UNC13B: variants seen among roughly 807,000 people sequenced by gnomAD.
The protein encoded by UNC13B is protein unc-13 homolog B.
Under a neutral mutation model 211.0 loss-of-function variants are expected in UNC13B, and 144 were observed. The observed-to-expected ratio is 0.68, with a 90% CI of 0.60 to 0.78. UNC13B has a LOEUF of 0.78. UNC13B is among the 30% of genes least tolerant of loss of function. UNC13B has a pLI of 0.00. For synonymous variants in UNC13B, 709 were observed against 725.8 expected, an observed-to-expected ratio of 0.98 and a Z score of 0.37; for missense variants, 1,777 against 2,002.0, an observed-to-expected ratio of 0.89 and a Z score of 2.14.
At chr9:35,241,596 CCACCAT>C (rs772519424) in intron 5 of UNC13B, among the ~76,000 whole-genome samples, 16,982 of 136,122 alleles carry the variant, frequency 0.12, 1,142 homozygotes, top group Admixed American at 0.24. Context: ...CACACACACA[CCACCAT>C]CTTCTTTTTA....
chr9:35,257,661 G>A (rs1001800817), intron 6 of UNC13B, among the ~76,000 whole-genome samples: 2 of 133,112 alleles, frequency 1.5e-5, no homozygotes, highest in Non-Finnish European at 3.1e-5. Flanking sequence ...CTATCATATT[G>A]TTTACATTGT....
chr9:35,261,735 G>A (rs1827286054), intron 7 of UNC13B, among the ~76,000 whole-genome samples: 1 of 151,130 alleles, frequency 6.6e-6, no homozygotes, highest in Non-Finnish European at 1.5e-5. Context: ...AACTATTTTT[G>A]TACGCATTAA....
chr9:35,307,754 G>A lies in UNC13B; in HGVS notation c.8350G>A (p.Gly2784Arg), dbSNP rs1220284749. 1 of 398,862 alleles carries A rather than the reference G, an allele frequency of 2.5e-6. No individual in the cohort carries two copies. Among genetic ancestry groups the A allele is most frequent in the African/African-American group, 2.1e-5 (1 of 48,600 alleles). The allele number at this position is 398,862 out of a possible 1,614,324, so 24.7% of individuals were successfully genotyped here. The stretch of plus-strand genomic sequence containing the variant: ...TTTGCCATCCTCTGCTACTAACCAT[G>A]GGAAACCACTGAGCTCTTTCTTTTC... ...LRLPSSATNHGKPLSSFFSSP... is the reference protein window; with the variant it reads ...LRLPSSATNHRKPLSSFFSSP... The change falls in exon 9 of 40, where the codon GGG becomes AGG. Residue 2784 changes from glycine (G) to arginine (R), a missense_variant. Transcript: ENST00000635942.
chr9:35,376,287 C>G lies in UNC13B; in HGVS notation c.9835+40C>G, dbSNP rs147374504. The G allele has an allele frequency of 4.7e-4, 749 of 1,595,240 alleles. 6 individuals carry two copies. The East Asian group carries it at 0.014, about 31-fold the overall frequency. The stretch of plus-strand genomic sequence containing the variant: ...GGATGAGGGGCGGGGAGTGGGGCAG[C>G]AGGGGCTTTCCAAAATAGTCTGCAG... On this transcript the variant is annotated intron_variant, in intron 15 of 39. Coordinates refer to ENST00000635942, the MANE Select transcript of UNC13B (RefSeq NM_001371189.2).
intron 11 of UNC13B, among the ~76,000 whole-genome samples, chr9:35,320,064 A>T (rs1361290429): frequency 6.6e-6 from 1 of 152,176 alleles, no homozygotes; most frequent in East Asian, 1.9e-4. Context: ...GTTGCAAAGG[A>T]CATTTCACTG....
At position 35,304,917 on chromosome 9, in the gene UNC13B, G is replaced by T. The variant is rs1215192016; in HGVS notation, c.5513G>T (p.Arg1838Met). ...CATCCAGAATTGATCAAAAATATAAGGCAAGAATTCTCTTTAAATAAAAAC... is the reference window on the plus strand; with the variant it reads ...CATCCAGAATTGATCAAAAATATAATGCAAGAATTCTCTTTAAATAAAAAC... ...VQHPELIKNI[R>M]QEFSLNKNNH... Residue 1838 changes from arginine to methionine, a missense_variant, in exon 9 of 40, where the codon AGG becomes ATG. Physicochemically the swap from Arg to Met is moderately conservative, Grantham distance 91 (BLOSUM62 -1). Coordinates refer to ENST00000635942, the MANE Select transcript of UNC13B (RefSeq NM_001371189.2). 1 of 398,728 alleles carries T rather than the reference G, an allele frequency of 2.5e-6. No homozygotes were observed. Among genetic ancestry groups the T allele is most frequent in the African/African-American group, 2.1e-5 (1 of 48,596 alleles). 24.7% of individuals were successfully genotyped at this position (398,728 alleles called of 1,614,324 possible).
intron 1 of UNC13B, among the ~76,000 whole-genome samples, chr9:35,223,808 T>C (rs757431196): frequency 6.6e-6 from 1 of 152,214 alleles, no homozygotes; most frequent in Non-Finnish European, 1.5e-5. Flanking sequence ...TATATTTAAC[T>C]CTTGAATTCA....
intron 6 of UNC13B, among the ~76,000 whole-genome samples, chr9:35,248,056 T>G (rs771260440): frequency 2.6e-5 from 4 of 152,232 alleles, no homozygotes; most frequent in African/African-American, 4.8e-5. Context: ...TATTCAGAGA[T>G]TCAACTTCTT....
intron 7 of UNC13B, among the ~76,000 whole-genome samples, chr9:35,289,922 G>A (rs1045869516): frequency 3.3e-5 from 5 of 152,156 alleles, no homozygotes; most frequent in Non-Finnish European, 2.9e-5. Context: ...GTTGCAGTGA[G>A]CCGAGATCGT....
At chr9:35,400,145 T>C in intron 36 of UNC13B, 151 bp from the exon 37 acceptor site, 3 of 1,134,652 alleles carry the variant, frequency 2.6e-6, no homozygotes, top group South Asian at 1.6e-5. Context: ...AATACCCAAA[T>C]AATACTCATC....
At chr9:35,299,267 T>G (rs543528413) in intron 8 of UNC13B, among the ~76,000 whole-genome samples, 1 of 64,152 alleles carries the variant, frequency 1.6e-5, no homozygotes, top group African/African-American at 8.2e-5. Flanking sequence ...TAATTTGTTA[T>G]TTTTTTGTAG....
In UNC13B at chr9:35,404,259, T is replaced by G; in HGVS notation, c.*226T>G. On this transcript the variant is annotated 3_prime_UTR_variant, in exon 40 of 40. Transcript: ENST00000635942. Reference sequence around the variant, plus strand: ...GGTACTAGGGGCTGGGATGTGGGGTTACCACATGGAGAGATTTTCCATTAA... The same window carrying G: ...GGTACTAGGGGCTGGGATGTGGGGTGACCACATGGAGAGATTTTCCATTAA... 1.7e-6 allele frequency: 1 copy of G among 588,822 alleles called. No individual in the cohort carries two copies. Among genetic ancestry groups the G allele is most frequent in the Non-Finnish European group, 3.0e-6 (1 of 337,924 alleles). The allele number at this position is 588,822 out of a possible 1,614,324, so 36.5% of individuals were successfully genotyped here. A position where few individuals can be genotyped will look rare whatever the true frequency, so the allele number is the denominator to read the frequency against.
In UNC13B at chr9:35,295,710, G is replaced by C; in HGVS notation, c.541G>C (p.Asp181His). The stretch of plus-strand genomic sequence containing the variant: ...TTATTCCATAGCTTTTGAAGACCCT[G>C]ATAGTGCCGTCGATGACCGAGATAG... ...AAAQCSFEDP[D>H]SAVDDRDSDY... The change falls in exon 8 of 40, where the codon GAT (aspartate) becomes CAT (histidine). Residue 181 changes from aspartate to histidine, a missense_variant. Transcript: ENST00000635942. 1 of 1,614,094 alleles carries C rather than the reference G, an allele frequency of 6.2e-7. No homozygotes were observed. Among genetic ancestry groups the C allele is most frequent in the Non-Finnish European group, 8.5e-7 (1 of 1,180,002 alleles).
chr9:35,345,132 C>G (rs1053169261), intron 11 of UNC13B, among the ~76,000 whole-genome samples: 1 of 152,048 alleles, frequency 6.6e-6, no homozygotes, highest in Non-Finnish European at 1.5e-5. Context: ...GCACTCGTAT[C>G]TTTTTCAGTG....
chr9:35,288,837 T>C (rs1293691356), intron 7 of UNC13B, among the ~76,000 whole-genome samples: 1 of 152,238 alleles, frequency 6.6e-6, no homozygotes, highest in East Asian at 1.9e-4. Context: ...GAAAGGCTTC[T>C]TTGGGCTCAC....
intron 13 of UNC13B, among the ~76,000 whole-genome samples, chr9:35,372,458 G>C (rs1011314208): frequency 1.3e-5 from 2 of 152,066 alleles, no homozygotes; most frequent in African/African-American, 4.8e-5. Context: ...CCCTGTGCAA[G>C]AGTGTGGCTA....
In UNC13B at chr9:35,300,724, A is replaced by G; in HGVS notation, c.1320A>G (p.Ile440Met). The G allele has an allele frequency of 2.5e-6, 1 of 399,016 alleles. No individual in the cohort carries two copies. The highest frequency in any genetic ancestry group is 4.4e-5 in the Admixed American group (1 of 22,732). 24.7% of individuals were successfully genotyped at this position (399,016 alleles called of 1,614,324 possible). A position where few individuals can be genotyped will look rare whatever the true frequency, so the allele number is the denominator to read the frequency against. Residue 440 changes from isoleucine to methionine, a missense_variant, in exon 9 of 40, where the codon ATA (isoleucine) becomes ATG (methionine). Coordinates refer to ENST00000635942, the MANE Select transcript of UNC13B (RefSeq NM_001371189.2). ...KTLGDLSECS[I>M]EEITPSSIEE... The stretch of plus-strand genomic sequence containing the variant: ...TTGGAGATCTGTCTGAGTGCTCTAT[A>G]GAAGAGATAACCCCTTCCTCTATTG...
At chr9:35,163,343 A>G (rs577913367) in intron 1 of UNC13B, among the ~76,000 whole-genome samples, 29 of 152,338 alleles carry the variant, frequency 1.9e-4, no homozygotes, top group Non-Finnish European at 3.2e-4. Context: ...GATTTCTCCA[A>G]TAACGATGTT....
rs1240019406 is a variant in UNC13B at position 35,370,378 on chromosome 9, G to A, written c.9522G>A (p.Leu3174=). The A allele has an allele frequency of 1.2e-6, 2 of 1,613,746 alleles. No individual in the cohort carries two copies. Among genetic ancestry groups the A allele is most frequent in the African/African-American group, 1.3e-5 (1 of 74,942 alleles). The change falls in exon 13 of 40, where the codon CTG becomes CTA. Residue 3174 remains leucine (L), a synonymous_variant. Transcript: ENST00000635942. ...CAGATTTACGCAGAAAGAAGCCACT[G>A]CCACTTGTCAGTGATCTGGTGAGTG... ...SMPDLRRKKP[L]PLVSDLSLVQ... is the part of the protein sequence containing the mutation.
Sources: allele counts gnomAD v4.1 joint callset (sites outside exome capture counted in the v4.1 genomes callset), GRCh38; gene constraint gnomAD v4.1.1; transcripts MANE v1.5; gene names NCBI Gene and HGNC (gene_info 2026-07-23, HGNC 2026-07-21).